Variants in SLC4A4 observed in about 807,000 individuals in gnomAD.
SLC4A4 encodes the protein solute carrier family 4 member 4.
A neutral mutation model predicts 111.5 loss-of-function variants in SLC4A4; 27 were observed. That is an observed-to-expected ratio of 0.24 (90% CI 0.18 to 0.33). The LOEUF is 0.33. Among genes scored for constraint, SLC4A4 ranks in the 10% least tolerant of loss-of-function variants. The pLI is 1.00. For synonymous variants in SLC4A4, 443 were observed against 463.4 expected (o/e 0.96, Z 0.57); for missense variants, 909 against 1,315.5 (o/e 0.69, Z 4.78).
chr4:71,130,028 G>T (rs187655355), intron 2 of SLC4A4, among the ~76,000 whole-genome samples: 1 of 152,066 alleles, frequency 6.6e-6, no homozygotes, highest in East Asian at 1.9e-4. Context: ...CTACCTATGG[G>T]GTACCATGCT....
rs775824815 is a variant in SLC4A4, at chr4:71,497,586, A to G, written c.2060A>G (p.Asn687Ser). 174 of 1,613,252 alleles carry G rather than the reference A, an allele frequency of 1.1e-4. No individual in the cohort carries two copies. The highest frequency in any genetic ancestry group is 1.4e-4 in the Non-Finnish European group (162 of 1,179,530). Residue 687 changes from asparagine to serine, a missense_variant, in exon 16 of 26, where the codon AAT (asparagine) becomes AGT (serine). Asn to Ser is a conservative substitution (Grantham distance 46). Around this residue, in one of 7 missense-constraint regions of SLC4A4, gnomAD observed 264 missense variants for 356.8 expected, o/e 0.74. Transcript: ENST00000264485. ...YGGNLVGNNCNFVPDITLMSF... is the reference protein window; with the variant it reads ...YGGNLVGNNCSFVPDITLMSF... ...GGAAACCTCGTCGGGAACAACTGTA[A>G]TTTTGTTCCTGATATCACACTCATG...
At chr4:71,075,957 C>CTAAATAAATAAATAAA (rs66711227) in intron 1 of SLC4A4, among the ~76,000 whole-genome samples, 59 of 140,270 alleles carry the variant, frequency 4.2e-4, no homozygotes, top group South Asian at 7.2e-4. Flanking sequence ...GACTCCATCT[C>CTAAATAAATAAATAAA]TAAATAAATA....
At chr4:71,273,775 C>T (rs567520491) in intron 3 of SLC4A4, among the ~76,000 whole-genome samples, 49 of 151,504 alleles carry the variant, frequency 3.2e-4, no homozygotes, top group African/African-American at 8.7e-4. Context: ...ATGTGTCAAG[C>T]GTTGCATGCT....
chr4:71,156,907 T>A (rs1421660549), intron 2 of SLC4A4, among the ~76,000 whole-genome samples: 1 of 152,180 alleles, frequency 6.6e-6, no homozygotes, highest in East Asian at 1.9e-4. Flanking sequence ...AGGAGTTTTA[T>A]TTTTACAAAG....
intron 3 of SLC4A4, among the ~76,000 whole-genome samples, chr4:71,286,488 G>A (rs1393664497): frequency 6.6e-6 from 1 of 152,178 alleles, no homozygotes; most frequent in Non-Finnish European, 1.5e-5. Flanking sequence ...CCTAGCATGT[G>A]TCTCTTCTTG....
intron 18 of SLC4A4, among the ~76,000 whole-genome samples, chr4:71,535,404 A>G (rs763777201): frequency 5.3e-5 from 8 of 151,950 alleles, no homozygotes; most frequent in Admixed American, 1.3e-4. Flanking sequence ...GCTGTAGATC[A>G]TGGTAAGAAA....
intron 16 of SLC4A4, among the ~76,000 whole-genome samples, chr4:71,505,024 C>G (rs1284374873): frequency 6.6e-6 from 1 of 152,000 alleles, no homozygotes; most frequent in East Asian, 1.9e-4. Flanking sequence ...ATAAATGGCC[C>G]CTAGCTCCAT....
intron 8 of SLC4A4, among the ~76,000 whole-genome samples, chr4:71,443,697 G>T (rs1049208478): frequency 1.3e-5 from 2 of 152,114 alleles, no homozygotes; most frequent in South Asian, 2.1e-4. Flanking sequence ...ATCTTGATTT[G>T]CACATGTAAG....
At chr4:71,187,218 C>A (rs1416257103), upstream of SLC4A4, 1 of 152,024 alleles carries the variant, frequency 6.6e-6, no homozygotes, top group Non-Finnish European at 1.5e-5. Context: ...GTCCCGGGCT[C>A]GCGCCTCCAG....
At chr4:71,461,629 T>A (rs999208673) in intron 12 of SLC4A4, among the ~76,000 whole-genome samples, 3 of 152,150 alleles carry the variant, frequency 2.0e-5, no homozygotes, top group Admixed American at 2.0e-4. Flanking sequence ...AATGCTGATA[T>A]TACAAATTGT....
chr4:71,562,237 T>C (rs1737050687), intron 23 of SLC4A4, among the ~76,000 whole-genome samples: 2 of 151,858 alleles, frequency 1.3e-5, no homozygotes, highest in East Asian at 2.0e-4. Context: ...CAAATAAACA[T>C]ATACATTGGT....
intron 3 of SLC4A4, among the ~76,000 whole-genome samples, chr4:71,257,488 C>A (rs754582260): frequency 5.3e-5 from 8 of 152,070 alleles, no homozygotes; most frequent in Non-Finnish European, 8.8e-5. Context: ...TTATTTGGTA[C>A]AGTTCTGTTT....
At chr4:71,175,358 C>G (rs59686642) in intron 2 of SLC4A4, among the ~76,000 whole-genome samples, 16,301 of 152,164 alleles carry the variant, frequency 0.11, 1,535 homozygotes, top group African/African-American at 0.25. Flanking sequence ...GCGCACCAAG[C>G]GTGAGCCGAA....
chr4:71,465,310 T>A (rs1196463184), intron 12 of SLC4A4, among the ~76,000 whole-genome samples: 1 of 152,026 alleles, frequency 6.6e-6, no homozygotes, highest in Non-Finnish European at 1.5e-5. Flanking sequence ...CTTTACTCAT[T>A]TGAAAATGTT....
At chr4:71,161,684 T>A (rs1744619766) in intron 2 of SLC4A4, among the ~76,000 whole-genome samples, 1 of 152,156 alleles carries the variant, frequency 6.6e-6, no homozygotes, top group Admixed American at 6.5e-5. Context: ...CTATTAACTG[T>A]TGAATGAATG....
intron 1 of SLC4A4, chr4:71,235,936 G>A (rs1000308667): frequency 7.4e-6 from 4 of 539,888 alleles, no homozygotes; most frequent in East Asian, 1.5e-4. Flanking sequence ...TGTCGAAGCC[G>A]GGTTGCTGGA....
At chr4:71,253,550 C>T (rs1721230117) in intron 2 of SLC4A4, among the ~76,000 whole-genome samples, 1 of 152,108 alleles carries the variant, frequency 6.6e-6, no homozygotes, top group African/African-American at 2.4e-5. Context: ...TTTATTGAAG[C>T]AATTGGTTGG....
chr4:71,305,859 T>C (rs1725640539), intron 3 of SLC4A4, among the ~76,000 whole-genome samples: 2 of 152,162 alleles, frequency 1.3e-5, no homozygotes, highest in African/African-American at 2.4e-5. Flanking sequence ...TAATGCAGTG[T>C]GAAAAGTGGT....
intron 3 of SLC4A4, among the ~76,000 whole-genome samples, chr4:71,282,536 C>G (rs559253644): frequency 6.6e-6 from 1 of 151,784 alleles, no homozygotes; most frequent in African/African-American, 2.4e-5. Context: ...CCGCCCACCT[C>G]GGCCTCCCAA....
Sources: allele counts gnomAD v4.1 joint callset (sites outside exome capture counted in the v4.1 genomes callset), GRCh38; gene constraint gnomAD v4.1.1; regional missense constraint gnomAD v4.1.1; transcripts MANE v1.5; gene names NCBI Gene and HGNC (gene_info 2026-07-23, HGNC 2026-07-21).